The following SLC24A2 variants were observed in gnomAD, a reference collection of about 807,000 sequenced individuals.
The protein encoded by SLC24A2 is sodium/potassium/calcium exchanger 2.
A neutral mutation model predicts 62.0 loss-of-function variants in SLC24A2; 36 were observed. The observed-to-expected ratio is 0.58, with a 90% CI of 0.44 to 0.77. The LOEUF (loss-of-function observed/expected upper bound fraction) is 0.77. SLC24A2 is among the 30% of genes least tolerant of loss of function. The probability of loss-of-function intolerance (pLI) is 0.00; values close to 1 mark genes in which losing one functional copy is unlikely to be tolerated. For missense variants in SLC24A2, 846 were observed against 817.9 expected (o/e 1.03, Z -0.42); for synonymous variants, 358 against 294.0 (o/e 1.22, Z -2.23).
At chr9:20,047,091 G>C in the SLC24A2 span, among the ~76,000 whole-genome samples, 1 of 152,056 alleles carries the variant, frequency 6.6e-6, no homozygotes, top group African/African-American at 2.4e-5. Context: ...TAGCCTATCA[G>C]CACCAGAGAC....
chr9:20,169,394 G>C, the SLC24A2 span, among the ~76,000 whole-genome samples: 4 of 152,092 alleles, frequency 2.6e-5, no homozygotes, highest in African/African-American at 9.6e-5. Flanking sequence ...GGAAAGTGAA[G>C]AGAACTCACA....
At chr9:19,590,057 C>A (rs530706507) in intron 5 of SLC24A2, among the ~76,000 whole-genome samples, 4 of 152,146 alleles carry the variant, frequency 2.6e-5, no homozygotes, top group Non-Finnish European at 5.9e-5. Flanking sequence ...CTTTCCTGAC[C>A]AGCTAGACTT....
At chr9:19,925,257 T>C in the SLC24A2 span, among the ~76,000 whole-genome samples, 1 of 152,190 alleles carries the variant, frequency 6.6e-6, no homozygotes, top group African/African-American at 2.4e-5. Flanking sequence ...CAGAAAAGAA[T>C]GCAGAGGAAC....
At chr9:20,148,728 G>C in the SLC24A2 span, among the ~76,000 whole-genome samples, 1 of 151,974 alleles carries the variant, frequency 6.6e-6, no homozygotes, top group Admixed American at 6.6e-5. Flanking sequence ...ACTAAACAAA[G>C]AGAAATAGCA....
chr9:20,009,992 A>G, the SLC24A2 span, among the ~76,000 whole-genome samples: 1 of 152,064 alleles, frequency 6.6e-6, no homozygotes, highest in Admixed American at 6.5e-5. Flanking sequence ...AAACAATAAT[A>G]CTGTCTAGCC....
the SLC24A2 span, among the ~76,000 whole-genome samples, chr9:20,293,756 C>T: frequency 1.3e-5 from 2 of 152,192 alleles, no homozygotes; most frequent in Non-Finnish European, 2.9e-5. Flanking sequence ...CCCAACCCTT[C>T]TATTTTCTGT....
the SLC24A2 span, among the ~76,000 whole-genome samples, chr9:19,846,961 G>A: frequency 6.6e-6 from 1 of 152,142 alleles, no homozygotes; most frequent in African/African-American, 2.4e-5. Context: ...TGTCGAGGCT[G>A]CAGTAAGCTG....
chr9:20,116,765 T>C, the SLC24A2 span, among the ~76,000 whole-genome samples: 1 of 152,176 alleles, frequency 6.6e-6, no homozygotes, highest in African/African-American at 2.4e-5. Flanking sequence ...TAACTACTTA[T>C]TGATCAGTTC....
chr9:19,817,414 G>A, the SLC24A2 span, among the ~76,000 whole-genome samples: 1 of 151,878 alleles, frequency 6.6e-6, no homozygotes, highest in Non-Finnish European at 1.5e-5. Flanking sequence ...ACTGATCATT[G>A]AGCAAACCAA....
chr9:20,128,049 G>A, the SLC24A2 span, among the ~76,000 whole-genome samples: 1 of 151,952 alleles, frequency 6.6e-6, no homozygotes, highest in African/African-American at 2.4e-5. Flanking sequence ...TTTTGGTTTT[G>A]CTTCATGTTC....
intron 2 of SLC24A2, among the ~76,000 whole-genome samples, chr9:19,696,812 CT>C (rs1330411015): frequency 5.3e-5 from 8 of 151,968 alleles, no homozygotes; most frequent in Non-Finnish European, 1.2e-4. Flanking sequence ...AATGTATGGG[CT>C]TTCTTTAAAA....
At chr9:19,533,892 A>G (rs979138965) in intron 8 of SLC24A2, among the ~76,000 whole-genome samples, 5 of 152,232 alleles carry the variant, frequency 3.3e-5, no homozygotes, top group African/African-American at 1.2e-4. Flanking sequence ...GGTTTCTTTC[A>G]TTTGGCATAT....
chr9:20,121,019 C>T, the SLC24A2 span, among the ~76,000 whole-genome samples: 5 of 149,530 alleles, frequency 3.3e-5, no homozygotes, highest in Non-Finnish European at 7.4e-5. Context: ...TGTTTAATTA[C>T]TGAACTTTTA....
chr9:19,850,962 T>TACATAC, the SLC24A2 span, among the ~76,000 whole-genome samples: 102 of 23,528 alleles, frequency 4.3e-3, 2 homozygotes, highest in Non-Finnish European at 6.1e-3. Flanking sequence ...TATATATATA[T>TACATAC]ATATGTATAT....
chr9:19,577,161 A>T, intron 5 of SLC24A2, 139 bp from the exon 6 acceptor site: 1 of 749,186 alleles, frequency 1.3e-6, no homozygotes, highest in South Asian at 1.4e-5. Context: ...ATGCACCAGG[A>T]CCTTCCTGAA....
chr9:19,952,048 G>C, the SLC24A2 span, among the ~76,000 whole-genome samples: 1 of 151,962 alleles, frequency 6.6e-6, no homozygotes, highest in South Asian at 2.1e-4. Flanking sequence ...GCAGAATTTT[G>C]TTAAATTTAT....
the SLC24A2 span, among the ~76,000 whole-genome samples, chr9:19,817,126 G>A: frequency 6.6e-6 from 1 of 152,124 alleles, no homozygotes; most frequent in Non-Finnish European, 1.5e-5. Flanking sequence ...TAATCATCTG[G>A]AAGACACTGT....
At chr9:19,760,231 T>C (rs1488785134) in intron 2 of SLC24A2, among the ~76,000 whole-genome samples, 1 of 152,158 alleles carries the variant, frequency 6.6e-6, no homozygotes, top group East Asian at 1.9e-4. Context: ...GGCCTTTCCA[T>C]TTGTGTGCAG....
intron 2 of SLC24A2, among the ~76,000 whole-genome samples, chr9:19,735,666 T>C (rs946385418): frequency 8.5e-5 from 13 of 152,168 alleles, no homozygotes; most frequent in South Asian, 6.2e-4. Flanking sequence ...CACCATGGAA[T>C]ACTATGCAGC....
Sources: allele counts gnomAD v4.1 joint callset (sites outside exome capture counted in the v4.1 genomes callset), GRCh38; gene constraint gnomAD v4.1.1; transcripts MANE v1.5; gene names NCBI Gene and HGNC (gene_info 2026-07-23, HGNC 2026-07-21).